ULK4: variants seen among roughly 807,000 people sequenced by gnomAD.
ULK4 encodes unc-51 like kinase 4, also known as inactive serine/threonine-protein kinase ULK4.
A neutral mutation model predicts 160.6 loss-of-function variants in ULK4; 133 were observed. That is an observed-to-expected ratio of 0.83 (90% confidence interval 0.72 to 0.96). ULK4 has a LOEUF of 0.96. Ranked by LOEUF, ULK4 falls within the 40% of genes least tolerant of loss-of-function variation. The probability of loss-of-function intolerance (pLI) is 0.00; values close to 1 mark genes in which losing one functional copy is unlikely to be tolerated. For missense variants in ULK4, 1,580 were observed against 1,499.5 expected (o/e 1.05, Z -0.89); for synonymous variants, 534 against 539.8 (o/e 0.99, Z 0.15).
intron 22 of ULK4, among the ~76,000 whole-genome samples, chr3:41,728,284 T>C (rs1322320494): frequency 1.3e-5 from 2 of 152,136 alleles, no homozygotes; most frequent in Admixed American, 6.5e-5. Context: ...CTGATTTCTG[T>C]AGAAGTTCAA....
At chr3:41,333,295 T>C (rs1419606693) in intron 35 of ULK4, among the ~76,000 whole-genome samples, 4 of 152,240 alleles carry the variant, frequency 2.6e-5, no homozygotes, top group Admixed American at 2.6e-4. Context: ...AACATGCCTG[T>C]ACTCACAAAG....
intron 30 of ULK4, among the ~76,000 whole-genome samples, chr3:41,642,394 G>C (rs1279230025): frequency 1.3e-5 from 2 of 151,818 alleles, no homozygotes; most frequent in African/African-American, 2.4e-5. Context: ...CTGCGTCCAT[G>C]TGTTCTCATT....
intron 35 of ULK4, among the ~76,000 whole-genome samples, chr3:41,301,710 A>G (rs921915424): frequency 6.6e-6 from 1 of 152,206 alleles, no homozygotes; most frequent in Non-Finnish European, 1.5e-5. Flanking sequence ...CCATAAAATC[A>G]AAAGGCTGAA....
intron 33 of ULK4, among the ~76,000 whole-genome samples, chr3:41,455,860 T>C (rs2083538411): frequency 6.6e-6 from 1 of 152,156 alleles, no homozygotes; most frequent in Admixed American, 6.5e-5. Context: ...CAAAGGTTGC[T>C]AATGGAGGAA....
intron 17 of ULK4, among the ~76,000 whole-genome samples, chr3:41,867,475 G>C (rs570325563): frequency 9.9e-5 from 15 of 152,256 alleles, no homozygotes; most frequent in African/African-American, 3.6e-4. Flanking sequence ...AGATTTAAGC[G>C]ATTCTCATGC....
chr3:41,551,410 T>C (rs2643973), intron 32 of ULK4, among the ~76,000 whole-genome samples: 77,046 of 150,638 alleles, frequency 0.51, 19,700 homozygotes, highest in Middle Eastern at 0.57. Flanking sequence ...AGGAAGAAGA[T>C]CCAAATAAAA....
chr3:41,588,784 T>C (rs1196367966), intron 31 of ULK4, among the ~76,000 whole-genome samples: 1 of 152,228 alleles, frequency 6.6e-6, no homozygotes, highest in Admixed American at 6.5e-5. Flanking sequence ...TCCAGTCATT[T>C]AAATAAATTT....
chr3:41,654,019 A>T (rs1240076044), intron 30 of ULK4, among the ~76,000 whole-genome samples: 7 of 152,254 alleles, frequency 4.6e-5, no homozygotes, highest in Non-Finnish European at 1.0e-4. Flanking sequence ...TGACCCAGAA[A>T]TAACTGTTAA....
Position 41,819,495 on chromosome 3 carries a change from T to A in ULK4, c.1776A>T (p.Lys592Asn), listed in dbSNP as rs1301144641. 1 of 1,602,068 alleles carries A rather than the reference T, an allele frequency of 6.2e-7. No individual in the cohort carries two copies. The highest frequency in any genetic ancestry group is 8.5e-7 in the Non-Finnish European group (1 of 1,178,132). ...CAGCCCAGCACTCTCTAGGGTTCTT[T>A]TTTTTTTCTTCCTAAAATGAAGTGG... ...IYLVATQEEK[K>N]KNPRECWAVP... The change falls in exon 19 of 37, where the codon AAA becomes AAT. Residue 592 changes from lysine to asparagine, a missense_variant. Coordinates refer to ENST00000301831, the MANE Select transcript of ULK4 (RefSeq NM_017886.4).
chr3:41,610,800 T>C (rs2032639613), intron 31 of ULK4, among the ~76,000 whole-genome samples: 1 of 152,234 alleles, frequency 6.6e-6, no homozygotes, highest in Admixed American at 6.5e-5. Flanking sequence ...TAAAATATCA[T>C]GACAGCAATA....
chr3:41,773,719 G>A (rs191302495), intron 21 of ULK4, among the ~76,000 whole-genome samples: 1 of 151,916 alleles, frequency 6.6e-6, no homozygotes, highest in Non-Finnish European at 1.5e-5. Flanking sequence ...TGGAAAAAAC[G>A]ACTTTCAAGT....
At position 41,886,190 on chromosome 3, in the gene ULK4, C is replaced by A. The variant is rs563006457; in HGVS notation, c.1578-2238G>T. ...CAATATGTGCTGAATGTGGAAGCTA[C>A]TATTAATTTTTAATTTAAATAACCC... On this transcript the variant is annotated intron_variant, in intron 16 of 36. Transcript: ENST00000301831. 6.6e-5 allele frequency among the ~76,000 whole-genome samples: 10 copies of A among 152,254 alleles called. No homozygotes were observed. In the East Asian group the frequency reaches 1.5e-3, roughly 23 times the overall value.
intron 22 of ULK4, among the ~76,000 whole-genome samples, chr3:41,738,988 C>T (rs1171276696): frequency 6.6e-6 from 1 of 151,908 alleles, no homozygotes; most frequent in African/African-American, 2.4e-5. Flanking sequence ...TCACAATACA[C>T]ATCTGTGCAG....
chr3:41,831,740 C>T (rs919386690), intron 18 of ULK4, among the ~76,000 whole-genome samples: 3 of 151,996 alleles, frequency 2.0e-5, no homozygotes, highest in African/African-American at 7.3e-5. Flanking sequence ...TGTTGTTCCC[C>T]TCCCTGTGTC....
chr3:41,425,246 G>GA (rs1409000428), intron 34 of ULK4, among the ~76,000 whole-genome samples: 2 of 151,786 alleles, frequency 1.3e-5, no homozygotes, highest in African/African-American at 2.4e-5. Flanking sequence ...CAAGATTAGA[G>GA]AAAAAATAAT....
rs2086505882 is a variant in ULK4, at chr3:41,536,541, G to A, written c.3226+29484C>T. On this transcript the variant is annotated intron_variant, in intron 32 of 36. Transcript: ENST00000301831. The stretch of plus-strand genomic sequence containing the variant: ...GTTGACTGGGAATCTTACTGATAAC[G>A]TAAATAGTTAACACATTGTGGGTTG... 3.3e-5 allele frequency among the ~76,000 whole-genome samples: 5 copies of A among 152,072 alleles called. No homozygotes were observed. The South Asian group carries it at 8.3e-4, about 25-fold the overall frequency.
chr3:41,832,324 C>A (rs2125648913), intron 18 of ULK4, among the ~76,000 whole-genome samples: 1 of 152,228 alleles, frequency 6.6e-6, no homozygotes, highest in East Asian at 1.9e-4. Flanking sequence ...TGTTTGTTGG[C>A]CACATAAATG....
intron 16 of ULK4, 110 bp from the exon 17 acceptor site, chr3:41,884,062 T>TA: frequency 1.3e-6 from 1 of 789,330 alleles, no homozygotes; most frequent in Admixed American, 2.2e-5. Flanking sequence ...GACTGAGAAA[T>TA]AAAAATTGAA....
At chr3:41,849,368 A>AG (rs2042150028) in intron 17 of ULK4, among the ~76,000 whole-genome samples, 1 of 152,212 alleles carries the variant, frequency 6.6e-6, no homozygotes, top group Non-Finnish European at 1.5e-5. Flanking sequence ...ATCTGACACC[A>AG]GGGTTGCAAA....
Sources: gnomAD v4.1 joint callset for allele counts (sites outside exome capture counted in the v4.1 genomes callset) on GRCh38, gnomAD v4.1.1 for gene constraint, MANE v1.5 for transcripts, NCBI Gene and HGNC (gene_info 2026-07-23, HGNC 2026-07-21) for gene names.